INPP5A: variants seen among roughly 807,000 people sequenced by gnomAD.
The protein encoded by INPP5A is 43 kDa inositol polyphosphate 5-phophatase.
Under a neutral mutation model 65.2 loss-of-function variants are expected in INPP5A, and 14 were observed. The observed-to-expected ratio is 0.21, with a 90% CI of 0.14 to 0.34. The LOEUF (loss-of-function observed/expected upper bound fraction) is 0.34, where lower values mean the gene tolerates loss of function less well. Among genes scored for constraint, INPP5A ranks in the 10% least tolerant of loss-of-function variants. The pLI is 1.00. For missense variants in INPP5A, 431 were observed against 545.6 expected, an observed-to-expected ratio of 0.79 and a Z score of 2.09; for synonymous variants, 207 against 208.3, an observed-to-expected ratio of 0.99 and a Z score of 0.05.
At chr10:132,745,141 C>T (rs1484767519) in intron 9 of INPP5A, among the ~76,000 whole-genome samples, 3 of 152,124 alleles carry the variant, frequency 2.0e-5, no homozygotes, top group Admixed American at 6.5e-5. Context: ...GGTGGGAGGG[C>T]GCTATGGCCT....
At chr10:132,558,694 T>C (rs1404333523) in intron 1 of INPP5A, among the ~76,000 whole-genome samples, 1 of 152,228 alleles carries the variant, frequency 6.6e-6, no homozygotes, top group African/African-American at 2.4e-5. Context: ...TTGGCAGCAT[T>C]GGGCTCAGTG....
At chr10:132,619,843 G>C (rs1164220885) in intron 2 of INPP5A, among the ~76,000 whole-genome samples, 1 of 152,194 alleles carries the variant, frequency 6.6e-6, no homozygotes, top group Non-Finnish European at 1.5e-5. Flanking sequence ...ATTTTTAGTA[G>C]AGACAGGGTT....
intron 11 of INPP5A, among the ~76,000 whole-genome samples, chr10:132,763,180 C>T (rs1451770093): frequency 1.3e-5 from 2 of 152,222 alleles, no homozygotes; most frequent in African/African-American, 4.8e-5. Context: ...GTGAAAGCCA[C>T]AGGATGGCAG....
intron 12 of INPP5A, among the ~76,000 whole-genome samples, chr10:132,772,879 G>C (rs1327186795): frequency 7.0e-6 from 1 of 143,554 alleles, no homozygotes; most frequent in Non-Finnish European, 1.5e-5. Context: ...TGACACGGAG[G>C]CCACGGCAGC....
intron 12 of INPP5A, among the ~76,000 whole-genome samples, chr10:132,774,034 T>A (rs1847001733): frequency 6.6e-6 from 1 of 152,238 alleles, no homozygotes; most frequent in South Asian, 2.1e-4. Context: ...AATGCTGGGA[T>A]GACAGGCGTG....
chr10:132,682,763 A>G (rs1389645414), intron 4 of INPP5A, among the ~76,000 whole-genome samples: 1 of 150,490 alleles, frequency 6.6e-6, no homozygotes, highest in Non-Finnish European at 1.5e-5. Flanking sequence ...AATGCTGTGT[A>G]TTATATACAT....
intron 8 of INPP5A, among the ~76,000 whole-genome samples, chr10:132,718,952 G>A (rs1435288590): frequency 2.5e-4 from 32 of 126,898 alleles, no homozygotes; most frequent in South Asian, 5.6e-4. Flanking sequence ...CTGTCTGGGC[G>A]CCTTAGACGA....
chr10:132,693,638 A>C (rs903442016), intron 5 of INPP5A, among the ~76,000 whole-genome samples: 2 of 152,236 alleles, frequency 1.3e-5, no homozygotes, highest in African/African-American at 4.8e-5. Context: ...AAAGTAAATT[A>C]AACCAAAAGC....
rs556254210 is a variant in INPP5A at position 132,697,034 on chromosome 10, C to G, written c.371-782C>G. Reference sequence around the variant, plus strand: ...GCTTGTGGGACACAACACACTGCTCCAAAGCGGTCTCCAGGAACCTCGTTG... The same window carrying G: ...GCTTGTGGGACACAACACACTGCTCGAAAGCGGTCTCCAGGAACCTCGTTG... On this transcript the variant is annotated intron_variant, in intron 5 of 15. Transcript: ENST00000368594. This position sits in a 1 kb window ranked among gnomAD's most constrained non-coding sequence, Gnocchi z 5.6. Among the ~76,000 whole-genome samples the G allele has an allele frequency of 1.2e-4, 19 of 152,220 alleles. No homozygotes were observed. The highest frequency in any genetic ancestry group is 2.2e-4 in the Non-Finnish European group (15 of 68,042).
chr10:132,708,696 C>T (rs1477590193), intron 7 of INPP5A, among the ~76,000 whole-genome samples: 2 of 152,220 alleles, frequency 1.3e-5, no homozygotes, highest in African/African-American at 4.8e-5. Context: ...AGTACTGGGG[C>T]CCTGTGGCTG....
chr10:132,554,839 GTGTGGGTGGTGTGATCAA>G (rs1187269890), intron 1 of INPP5A, among the ~76,000 whole-genome samples: 2 of 150,058 alleles, frequency 1.3e-5, no homozygotes, highest in Non-Finnish European at 3.0e-5. Context: ...GGCATGATCG[GTGTGGGTGGTGTGATCAA>G]TGTGGGTGGT....
intron 2 of INPP5A, among the ~76,000 whole-genome samples, chr10:132,625,897 G>C (rs2072177907): frequency 6.6e-6 from 1 of 151,612 alleles, no homozygotes; most frequent in Non-Finnish European, 1.5e-5. Context: ...TGTGTGTACA[G>C]TGTTTGTAAA....
At chr10:132,713,551 G>T (rs997317340) in intron 8 of INPP5A, among the ~76,000 whole-genome samples, 9 of 152,128 alleles carry the variant, frequency 5.9e-5, no homozygotes, top group African/African-American at 1.9e-4. Context: ...TCTGGCCCTT[G>T]CTGAGGGCCC....
intron 9 of INPP5A, among the ~76,000 whole-genome samples, chr10:132,742,679 C>A (rs777464967): frequency 6.6e-6 from 1 of 152,186 alleles, no homozygotes; most frequent in Admixed American, 6.5e-5. Context: ...AAGTGCCTCC[C>A]GATGAGTTCG....
rs1845538019 is a variant in INPP5A at position 132,706,373 on chromosome 10, A to T, written c.475-1940A>T. ...ATTCTTAAAAATTTAATTCCCGAGC[A>T]CAATTTGGATACAGAGCAGGATATA... On this transcript the variant is annotated intron_variant, in intron 6 of 15. Transcript: ENST00000368594. This position sits in a 1 kb window ranked among gnomAD's most constrained non-coding sequence, Gnocchi z 4.7. Among the ~76,000 whole-genome samples, 1 of 152,280 alleles carries T rather than the reference A, an allele frequency of 6.6e-6. No homozygotes were observed. Among genetic ancestry groups the T allele is most frequent in the Admixed American group, 6.5e-5 (1 of 15,292 alleles).
chr10:132,642,450 T>C (rs1305300035), intron 2 of INPP5A, among the ~76,000 whole-genome samples: 1 of 152,186 alleles, frequency 6.6e-6, no homozygotes, highest in East Asian at 1.9e-4. Context: ...AGCTGCAGTT[T>C]CTCCACCGCC....
chr10:132,629,291 G>A (rs993066861), intron 2 of INPP5A, among the ~76,000 whole-genome samples: 3 of 152,178 alleles, frequency 2.0e-5, no homozygotes, highest in Non-Finnish European at 4.4e-5. Flanking sequence ...CAGACTCCAC[G>A]TGAGGGAACC....
At chr10:132,596,902 T>G (rs1282752903) in intron 1 of INPP5A, among the ~76,000 whole-genome samples, 1 of 83,536 alleles carries the variant, frequency 1.2e-5, no homozygotes, top group Non-Finnish European at 2.9e-5. Context: ...TGGAGGCTCC[T>G]GTGCATGTGT....
At chr10:132,751,460 G>A (rs143382824) in intron 11 of INPP5A, among the ~76,000 whole-genome samples, 2,692 of 152,362 alleles carry the variant, frequency 0.018, 41 homozygotes, top group South Asian at 0.039. Flanking sequence ...TGGTGGGGCC[G>A]CCTGTCTGTG....
Sources: gnomAD v4.1 joint callset for allele counts (sites outside exome capture counted in the v4.1 genomes callset) on GRCh38, gnomAD v4.1.1 for gene constraint, Gnocchi (gnomAD v3.1) non-coding constraint, MANE v1.5 for transcripts, NCBI Gene and HGNC (gene_info 2026-07-23, HGNC 2026-07-21) for gene names.